APOO: variants seen among roughly 807,000 people sequenced by gnomAD.
APOO encodes apolipoprotein O.
APOO carries 11 observed loss-of-function variants against 23.1 expected under a neutral mutation model. The ratio of observed to expected loss-of-function variants is 0.48; its 90% confidence interval spans 0.30 to 0.79. The LOEUF is 0.79. APOO is among the 30% of genes least tolerant of loss of function. The pLI, the probability that APOO is intolerant of heterozygous loss-of-function variation, is 0.07. For synonymous variants in APOO, 59 were observed against 54.8 expected (o/e 1.08, Z -0.34); for missense variants, 160 against 142.7 (o/e 1.12, Z -0.62).
At chrX:23,847,458 C>T (rs1924298367) in intron 7 of APOO, among the ~76,000 whole-genome samples, 1 of 109,656 alleles carries the variant, frequency 9.1e-6, no homozygotes, top group African/African-American at 3.3e-5. Flanking sequence ...AACCCCGACT[C>T]TATTAAAAAT....
chrX:23,887,999 T>A (rs993338920), intron 1 of APOO, among the ~76,000 whole-genome samples: 1 of 111,959 alleles, frequency 8.9e-6, no homozygotes, highest in Admixed American at 9.5e-5. Flanking sequence ...GGCTTAAAGG[T>A]AAACTGGTGG....
At chrX:23,876,774 G>A (rs1925876570) in intron 3 of APOO, among the ~76,000 whole-genome samples, 1 of 111,527 alleles carries the variant, frequency 9.0e-6, no homozygotes, top group Non-Finnish European at 1.9e-5. Context: ...ACTCCAGCCT[G>A]GCAACAGAGC....
chrX:23,872,521 T>TTATATATATATATATATATATATA (rs773219545), intron 4 of APOO, among the ~76,000 whole-genome samples: 3 of 93,254 alleles, frequency 3.2e-5, no homozygotes, highest in African/African-American at 1.2e-4. Flanking sequence ...TTATGAGAAT[T>TTATATATATATATATATATATATA]TATATATATA....
At chrX:23,885,729 T>C (rs954177108) in intron 1 of APOO, among the ~76,000 whole-genome samples, 2 of 110,993 alleles carry the variant, frequency 1.8e-5, no homozygotes, top group African/African-American at 6.6e-5. Context: ...CTTCCTCTTC[T>C]CCTATTAGTT....
At chrX:23,839,364 A>T (rs1402014036) in intron 8 of APOO, among the ~76,000 whole-genome samples, 3 of 111,811 alleles carry the variant, frequency 2.7e-5, no homozygotes, top group African/African-American at 9.7e-5. Context: ...AGGAACATAC[A>T]GGGTTTCAGG....
At chrX:23,875,991 C>T (rs1424233288) in intron 3 of APOO, among the ~76,000 whole-genome samples, 4 of 109,992 alleles carry the variant, frequency 3.6e-5, no homozygotes, top group South Asian at 7.7e-4. Flanking sequence ...AGGCTGGGCA[C>T]GGTGGCTCAC....
chrX:23,855,386 C>A (rs1201003464), intron 7 of APOO, among the ~76,000 whole-genome samples: 1 of 111,255 alleles, frequency 9.0e-6, no homozygotes, highest in African/African-American at 3.3e-5. Context: ...ATAATTTATT[C>A]TGTTACTTCC....
chrX:23,879,543 C>G (rs1926017674), intron 2 of APOO, among the ~76,000 whole-genome samples: 1 of 112,596 alleles, frequency 8.9e-6, no homozygotes, highest in African/African-American at 3.2e-5. Flanking sequence ...TCAACGAGGC[C>G]AAGGCCAAAA....
intron 1 of APOO, among the ~76,000 whole-genome samples, chrX:23,888,396 T>G (rs1392402069): frequency 1.8e-5 from 2 of 111,779 alleles, no homozygotes; most frequent in Non-Finnish European, 3.8e-5. Flanking sequence ...AGGGTTTTAT[T>G]TCAAAAACAA....
At chrX:23,872,275 T>C (rs1490961886) in intron 4 of APOO, among the ~76,000 whole-genome samples, 1 of 110,932 alleles carries the variant, frequency 9.0e-6, no homozygotes, top group Admixed American at 9.7e-5. Flanking sequence ...CACATGCCTG[T>C]AATCCTAGCT....
At chrX:23,851,955 G>C (rs765880404) in intron 7 of APOO, among the ~76,000 whole-genome samples, 2 of 111,616 alleles carry the variant, frequency 1.8e-5, no homozygotes. Flanking sequence ...ACCGAGTCTC[G>C]CTCTTTCGCC....
At chrX:23,834,933 G>A (rs111693090) in intron 8 of APOO, among the ~76,000 whole-genome samples, 2,338 of 109,241 alleles carry the variant, frequency 0.021, 58 homozygotes, top group African/African-American at 0.072. Flanking sequence ...ATGTTGGCCA[G>A]GCTGGTCTCG....
intron 4 of APOO, among the ~76,000 whole-genome samples, chrX:23,868,960 G>A (rs1167252208): frequency 2.6e-4 from 27 of 102,455 alleles, no homozygotes; most frequent in African/African-American, 9.4e-4. Flanking sequence ...CCAGGCTGGT[G>A]TGCAATGGCG....
intron 1 of APOO, among the ~76,000 whole-genome samples, chrX:23,888,846 T>C (rs1166590781): frequency 2.7e-5 from 1 of 36,391 alleles, no homozygotes; most frequent in East Asian, 1.3e-3. Flanking sequence ...TGAGATTTCA[T>C]CTCAAAAAAA....
At chrX:23,844,697 C>G (rs925862075) in intron 7 of APOO, among the ~76,000 whole-genome samples, 10 of 111,946 alleles carry the variant, frequency 8.9e-5, no homozygotes, top group African/African-American at 3.2e-4. Context: ...CTGCTGACAC[C>G]TTGATTTAGA....
intron 8 of APOO, among the ~76,000 whole-genome samples, chrX:23,838,357 CAAAA>C (rs764414297): frequency 1.0e-4 from 2 of 20,077 alleles, no homozygotes; most frequent in South Asian, 9.4e-3. Flanking sequence ...AACTCTATCT[CAAAA>C]AAAAAAAAAA....
At chrX:23,857,254 T>C (rs1226531596) in intron 6 of APOO, among the ~76,000 whole-genome samples, 4 of 75,471 alleles carry the variant, frequency 5.3e-5, no homozygotes, top group Non-Finnish European at 9.0e-5. Flanking sequence ...AGAAAGAAAT[T>C]TAAAAAAAAA....
At chrX:23,846,133 C>G (rs1295124044) in intron 7 of APOO, among the ~76,000 whole-genome samples, 8 of 98,789 alleles carry the variant, frequency 8.1e-5, no homozygotes, top group African/African-American at 3.0e-4. Context: ...GGCGAAACCC[C>G]GTCTCTACTA....
At position 23,885,429 on chromosome X, in the gene APOO, C is replaced by CTA. The variant is rs1057066250; in HGVS notation, c.10-4479_10-4478dup. ...AATATATAACTATATCTATACATAA[C>CTA]TATATATATATAGCAGAGACAGGGT... is the stretch of plus-strand genomic sequence containing the variant. On this transcript the variant is annotated intron_variant, in intron 1 of 8. Coordinates refer to ENST00000379226, the MANE Select transcript of APOO (RefSeq NM_024122.5). Among the ~76,000 whole-genome samples the CTA allele has an allele frequency of 2.1e-4, 22 of 104,776 alleles. No homozygotes were observed. In the South Asian group the frequency reaches 7.9e-3, roughly 38 times the overall value. The allele number at this position is 104,776 out of a possible 115,157, so 91.0% of individuals were successfully genotyped here.
Sources: allele counts gnomAD v4.1 joint callset (sites outside exome capture counted in the v4.1 genomes callset), GRCh38; gene constraint gnomAD v4.1.1; transcripts MANE v1.5; gene names NCBI Gene and HGNC (gene_info 2026-07-23, HGNC 2026-07-21).